Variants in SRGAP1 observed in about 807,000 individuals in gnomAD.
SRGAP1 encodes SLIT-ROBO Rho GTPase-activating protein 1.
A neutral mutation model predicts 121.9 loss-of-function variants in SRGAP1; 43 were observed. The observed-to-expected ratio is 0.35, with a 90% CI of 0.28 to 0.46. The LOEUF is 0.46. Among genes scored for constraint, SRGAP1 ranks in the 20% least tolerant of loss-of-function variants. The probability of loss-of-function intolerance (pLI) is 1.00; values close to 1 mark genes in which losing one functional copy is unlikely to be tolerated. For synonymous variants in SRGAP1, 447 were observed against 485.4 expected, an observed-to-expected ratio of 0.92 and a Z score of 1.04; for missense variants, 1,102 against 1,350.9, an observed-to-expected ratio of 0.82 and a Z score of 2.89.
intron 12 of SRGAP1, among the ~76,000 whole-genome samples, chr12:64,094,715 T>C (rs2036120947): frequency 6.6e-6 from 1 of 152,234 alleles, no homozygotes; most frequent in African/African-American, 2.4e-5. Flanking sequence ...TTCATTTTGG[T>C]ATGTAAGTCT....
intron 18 of SRGAP1, among the ~76,000 whole-genome samples, chr12:64,125,466 C>G (rs1007773675): frequency 2.0e-5 from 3 of 152,074 alleles, no homozygotes; most frequent in Non-Finnish European, 4.4e-5. Flanking sequence ...TATTCACATA[C>G]TATTTATTGT....
At chr12:64,049,116 T>C (rs947727975) in intron 6 of SRGAP1, among the ~76,000 whole-genome samples, 1 of 152,190 alleles carries the variant, frequency 6.6e-6, no homozygotes, top group Non-Finnish European at 1.5e-5. Context: ...TGTTTTCTTG[T>C]AGTAGTTGCA....
chr12:63,912,794 A>G (rs1392742792), intron 1 of SRGAP1, among the ~76,000 whole-genome samples: 1 of 152,236 alleles, frequency 6.6e-6, no homozygotes, highest in South Asian at 2.1e-4. Flanking sequence ...CCAACATTTT[A>G]GAGGTAGTTC....
At chr12:64,105,526 G>A (rs1342218365) in intron 15 of SRGAP1, among the ~76,000 whole-genome samples, 1 of 152,170 alleles carries the variant, frequency 6.6e-6, no homozygotes, top group Admixed American at 6.5e-5. Context: ...GCTCATACCT[G>A]TAATCCCAGC....
At chr12:63,849,357 A>G (rs959563221) in intron 1 of SRGAP1, among the ~76,000 whole-genome samples, 1 of 152,252 alleles carries the variant, frequency 6.6e-6, no homozygotes, top group Non-Finnish European at 1.5e-5. Flanking sequence ...TGGGAACAAT[A>G]AAGACTCATA....
chr12:64,100,518 T>G (rs2036236980), intron 15 of SRGAP1, among the ~76,000 whole-genome samples: 1 of 152,226 alleles, frequency 6.6e-6, no homozygotes, highest in Non-Finnish European at 1.5e-5. Flanking sequence ...TCAAAATCAA[T>G]GGATTCATAA....
chr12:63,989,868 A>G, intron 2 of SRGAP1, 42 bp from the exon 3 acceptor site: 2 of 1,551,802 alleles, frequency 1.3e-6, no homozygotes, highest in Non-Finnish European at 1.7e-6. Context: ...GATTGGGGCA[A>G]CTTTGAAATG....
chr12:64,032,255 C>A (rs919905811), intron 4 of SRGAP1, among the ~76,000 whole-genome samples: 11 of 152,232 alleles, frequency 7.2e-5, no homozygotes, highest in African/African-American at 2.4e-4. Context: ...GAGGAGGGAC[C>A]AGCTCCTTCC....
chr12:64,003,898 C>G (rs898124348), intron 3 of SRGAP1, among the ~76,000 whole-genome samples: 1 of 152,152 alleles, frequency 6.6e-6, no homozygotes, highest in Non-Finnish European at 1.5e-5. Flanking sequence ...TCCATACCTA[C>G]ACACATCATA....
At chr12:63,916,783 G>A (rs2030799282) in intron 1 of SRGAP1, among the ~76,000 whole-genome samples, 1 of 152,186 alleles carries the variant, frequency 6.6e-6, no homozygotes, top group Non-Finnish European at 1.5e-5. Flanking sequence ...ATCGCATGCA[G>A]GCCAGTAGAC....
intron 1 of SRGAP1, among the ~76,000 whole-genome samples, chr12:63,899,799 G>A (rs578180037): frequency 6.6e-6 from 1 of 152,310 alleles, no homozygotes; most frequent in East Asian, 1.9e-4. Flanking sequence ...AACAATGTGT[G>A]CATGTGATTT....
chr12:64,044,674 C>T (rs537640348), intron 6 of SRGAP1, among the ~76,000 whole-genome samples: 1 of 72,122 alleles, frequency 1.4e-5, no homozygotes, highest in Non-Finnish European at 2.9e-5. Flanking sequence ...TGATGTGCCT[C>T]TTTTTTTTTT....
intron 2 of SRGAP1, among the ~76,000 whole-genome samples, chr12:63,988,191 A>G (rs2033466599): frequency 1.3e-5 from 2 of 152,332 alleles, no homozygotes; most frequent in African/African-American, 2.4e-5. Flanking sequence ...GAGTGAAATA[A>G]CACTTATTTA....
chr12:63,915,623 A>G (rs887459134), intron 1 of SRGAP1, among the ~76,000 whole-genome samples: 2 of 152,216 alleles, frequency 1.3e-5, no homozygotes, highest in Non-Finnish European at 2.9e-5. Context: ...ACCATCTCCA[A>G]GGAGACCTGT....
chr12:63,908,691 T>C (rs568249026), intron 1 of SRGAP1, among the ~76,000 whole-genome samples: 1 of 152,178 alleles, frequency 6.6e-6, no homozygotes, highest in South Asian at 2.1e-4. Flanking sequence ...TACCCAGCTG[T>C]TAAACTTCTT....
chr12:63,961,097 C>G (rs969745787), intron 1 of SRGAP1, among the ~76,000 whole-genome samples: 3 of 152,076 alleles, frequency 2.0e-5, no homozygotes, highest in Admixed American at 6.5e-5. Context: ...TCAGATATCA[C>G]GTACATAAGC....
At chr12:64,101,461 T>A (rs966224033) in intron 15 of SRGAP1, among the ~76,000 whole-genome samples, 26 of 152,138 alleles carry the variant, frequency 1.7e-4, no homozygotes, top group African/African-American at 6.0e-4. Context: ...ATTCTTTTTT[T>A]AAAAATATGC....
At chr12:64,065,250 A>G in intron 8 of SRGAP1, 31 bp downstream of exon 8, 2 of 1,532,796 alleles carry the variant, frequency 1.3e-6, no homozygotes, top group Non-Finnish European at 1.8e-6. Flanking sequence ...CCACACCAGT[A>G]ATCTGAATTC....
chr12:63,937,654 G>A (rs1162662825), intron 1 of SRGAP1, among the ~76,000 whole-genome samples: 1 of 152,146 alleles, frequency 6.6e-6, no homozygotes, highest in Non-Finnish European at 1.5e-5. Flanking sequence ...ATTTCTCTGT[G>A]TACAGGGACC....
Sources: allele counts gnomAD v4.1 joint callset (sites outside exome capture counted in the v4.1 genomes callset), GRCh38; gene constraint gnomAD v4.1.1; transcripts MANE v1.5; gene names NCBI Gene and HGNC (gene_info 2026-07-23, HGNC 2026-07-21).